The following LDB3 variants were observed in gnomAD, a reference collection of about 807,000 sequenced individuals.
LDB3 encodes the protein LIM domain binding 3, also known as LIM domain-binding protein 3.
In LDB3, 49 loss-of-function variants were observed where a neutral mutation model predicts 69.0. The observed-to-expected ratio is 0.71, with a 90% CI of 0.56 to 0.90. The LOEUF is 0.90. Among genes scored for constraint, LDB3 ranks in the 40% least tolerant of loss-of-function variants. LDB3 has a pLI of 0.00. For missense variants in LDB3, 928 were observed against 974.1 expected, an observed-to-expected ratio of 0.95 and a Z score of 0.63; for synonymous variants, 387 against 396.2, an observed-to-expected ratio of 0.98 and a Z score of 0.28.
intron 9 of LDB3, among the ~76,000 whole-genome samples, chr10:86,714,362 T>A (rs926047147): frequency 2.0e-5 from 3 of 152,126 alleles, no homozygotes; most frequent in Admixed American, 6.5e-5. Context: ...TGGACTCATA[T>A]TCTTTACAGA....
chr10:86,684,570 A>G (rs961810879), intron 5 of LDB3, among the ~76,000 whole-genome samples: 1 of 152,252 alleles, frequency 6.6e-6, no homozygotes, highest in African/African-American at 2.4e-5. Context: ...CTGGGAGGAT[A>G]GAGGGAATTT....
intron 10 of LDB3, 80 bp from the exon 11 acceptor site, chr10:86,717,884 A>T: frequency 2.3e-6 from 3 of 1,322,078 alleles, no homozygotes; most frequent in Non-Finnish European, 3.2e-6. Flanking sequence ...GTAAAAGTAT[A>T]AACAGTGTTG....
chr10:86,707,006 A>G (rs1467018841), intron 8 of LDB3, among the ~76,000 whole-genome samples: 1 of 152,182 alleles, frequency 6.6e-6, no homozygotes. Context: ...GAGAGAGGTA[A>G]CAGTCTCTCT....
chr10:86,668,786 T>C lies in LDB3; in HGVS notation c.93+2T>C. ...AACATGCCCCTCACTATCTCCCGGGTGAGTGCACCCTGCCACAGCCTGGCA... is the reference window on the plus strand; with the variant it reads ...AACATGCCCCTCACTATCTCCCGGGCGAGTGCACCCTGCCACAGCCTGGCA... On this transcript the variant is annotated splice_donor_variant, in intron 2 of 13. Transcript: ENST00000361373. LOFTEE classifies it high-confidence loss of function. 6.2e-7 allele frequency: 1 copy of C among 1,604,262 alleles called. No individual in the cohort carries two copies. The highest frequency in any genetic ancestry group is 1.1e-5 in the South Asian group (1 of 90,854).
intron 5 of LDB3, among the ~76,000 whole-genome samples, chr10:86,690,498 G>T (rs1845704793): frequency 6.6e-6 from 1 of 152,246 alleles, no homozygotes; most frequent in Non-Finnish European, 1.5e-5. Flanking sequence ...CTCTGGGCCA[G>T]GGCAGGGCCT....
chr10:86,702,116 A>C (rs1055045393), intron 7 of LDB3, among the ~76,000 whole-genome samples: 3 of 152,158 alleles, frequency 2.0e-5, no homozygotes, highest in Admixed American at 2.0e-4. Context: ...AGCATGAATA[A>C]TTTCAAGACC....
At chr10:86,704,458 C>T (rs190029516) in intron 7 of LDB3, among the ~76,000 whole-genome samples, 1 of 151,944 alleles carries the variant, frequency 6.6e-6, no homozygotes, top group Admixed American at 6.5e-5. Context: ...TCTTGTTGCC[C>T]AGGCTGGAGT....
At chr10:86,711,039 G>T (rs528225782) in intron 9 of LDB3, among the ~76,000 whole-genome samples, 1 of 152,348 alleles carries the variant, frequency 6.6e-6, no homozygotes, top group African/African-American at 2.4e-5. Context: ...CGCAGGGCGA[G>T]GTGGCATTTT....
rs1273871603 is a variant in LDB3, at chr10:86,699,645, C to T, written c.897-6886C>T. ...CCGTAGCCCAATCCCCTGCCCTCTG[C>T]ACAGGGCCTTAGCTGTAGACCAGAG... On this transcript the variant is annotated intron_variant, in intron 7 of 13. Coordinates refer to ENST00000361373, the MANE Select transcript of LDB3 (RefSeq NM_007078.3). This position sits in a 1 kb window ranked among gnomAD's most constrained non-coding sequence, Gnocchi z 4.9. 7.5e-7 allele frequency: 1 copy of T among 1,329,000 alleles called. No homozygotes were observed. Among genetic ancestry groups the T allele is most frequent in the African/African-American group, 1.5e-5 (1 of 67,376 alleles). The allele number at this position is 1,329,000 out of a possible 1,614,324, so 82.3% of individuals were successfully genotyped here. A position where few individuals can be genotyped will look rare whatever the true frequency, so the allele number is the denominator to read the frequency against.
intron 5 of LDB3, among the ~76,000 whole-genome samples, chr10:86,684,513 C>T (rs548371480): frequency 7.2e-5 from 11 of 152,382 alleles, no homozygotes; most frequent in East Asian, 1.9e-4. Flanking sequence ...AATGGAGCTC[C>T]GTGCTGGCCC....
intron 9 of LDB3, among the ~76,000 whole-genome samples, chr10:86,714,860 A>G (rs1040736631): frequency 6.6e-6 from 1 of 152,122 alleles, no homozygotes; most frequent in Non-Finnish European, 1.5e-5. Flanking sequence ...CCCAACCGGT[A>G]TTATCTTTTG....
intron 7 of LDB3, among the ~76,000 whole-genome samples, chr10:86,695,848 A>G (rs1284816040): frequency 6.6e-6 from 1 of 152,180 alleles, no homozygotes; most frequent in Non-Finnish European, 1.5e-5. Flanking sequence ...TCTGGATCCC[A>G]CTGCTGGGGG....
intron 3 of LDB3, 63 bp downstream of exon 3, chr10:86,679,581 A>T: frequency 6.4e-7 from 1 of 1,572,238 alleles, no homozygotes; most frequent in Non-Finnish European, 8.7e-7. Flanking sequence ...GCAGGGGCCA[A>T]AAGAGGGATT....
intron 9 of LDB3, among the ~76,000 whole-genome samples, chr10:86,711,859 G>T (rs892641918): frequency 6.6e-6 from 1 of 150,470 alleles, no homozygotes; most frequent in Non-Finnish European, 1.5e-5. Flanking sequence ...GGAGAGCCGG[G>T]CCCGGCCCGG....
Position 86,681,598 on chromosome 10 carries a change from G to C in LDB3, c.484G>C (p.Gly162Arg). 6.2e-7 allele frequency: 1 copy of C among 1,613,008 alleles called. No homozygotes were observed. Among genetic ancestry groups the C allele is most frequent in the Non-Finnish European group, 8.5e-7 (1 of 1,179,750 alleles). ...FSSLAEASDPGPPRASLRAKT... is the reference protein window; with the variant it reads ...FSSLAEASDPRPPRASLRAKT... ...CTCACTCGCCGAGGCCTCTGACCCTGGCCCTCCGCGGGCCAGCCTGAGGGC... is the reference window on the plus strand; with the variant it reads ...CTCACTCGCCGAGGCCTCTGACCCTCGCCCTCCGCGGGCCAGCCTGAGGGC... The change falls in exon 5 of 14, where the codon GGC (glycine) becomes CGC (arginine). Residue 162 changes from glycine to arginine, a missense_variant. By Grantham distance (125) the Gly-to-Arg change is moderately radical. Transcript: ENST00000361373.
chr10:86,668,472 G>A (rs554340873), upstream of LDB3: 8 of 635,424 alleles, frequency 1.3e-5, no homozygotes, highest in South Asian at 5.2e-5. Flanking sequence ...GGGCGCAGCC[G>A]AAGGCAGATA....
intron 2 of LDB3, among the ~76,000 whole-genome samples, chr10:86,674,822 T>G (rs994737406): frequency 3.9e-5 from 6 of 152,206 alleles, no homozygotes; most frequent in African/African-American, 1.4e-4. Context: ...TGGACTGCAC[T>G]CTCCATGAGC....
rs1024912447 is a variant in LDB3, at chr10:86,710,301, T to G, written c.1231+251T>G. On this transcript the variant is annotated intron_variant, in intron 9 of 13. Coordinates refer to ENST00000361373, the MANE Select transcript of LDB3 (RefSeq NM_007078.3). The stretch of plus-strand genomic sequence containing the variant: ...GAGAGCGAAGGAGAGCAGAGAAGTC[T>G]TCTCCGGACCGGGCATGGTGGCTCA... The G allele has an allele frequency of 1.2e-5, 12 of 975,178 alleles. No homozygotes were observed. The Admixed American group carries it at 6.2e-4, about 50-fold the overall frequency. 60.4% of individuals were successfully genotyped at this position (975,178 alleles called of 1,614,324 possible). A position where few individuals can be genotyped will look rare whatever the true frequency, so the allele number is the denominator to read the frequency against.
chr10:86,717,093 A>C (rs6586026), intron 10 of LDB3, among the ~76,000 whole-genome samples: 1 of 151,990 alleles, frequency 6.6e-6, no homozygotes, highest in African/African-American at 2.4e-5. Context: ...GTAGGTTTAC[A>C]GGGCATTTTG....
Sources: allele counts gnomAD v4.1 joint callset (sites outside exome capture counted in the v4.1 genomes callset), GRCh38; gene constraint gnomAD v4.1.1; non-coding constraint Gnocchi (gnomAD v3.1); transcripts MANE v1.5; gene names NCBI Gene and HGNC (gene_info 2026-07-23, HGNC 2026-07-21).